The following CACNA1B variants were observed in gnomAD, a reference collection of about 807,000 sequenced individuals.
The protein encoded by CACNA1B is calcium voltage-gated channel subunit alpha1 B, also known as voltage-dependent N-type calcium channel subunit alpha-1B.
CACNA1B carries 70 observed loss-of-function variants against 247.2 expected under a neutral mutation model. The ratio of observed to expected loss-of-function variants is 0.28; its 90% CI spans 0.23 to 0.35. CACNA1B has a LOEUF of 0.35. CACNA1B is among the 10% of genes least tolerant of loss of function. The pLI, the probability that CACNA1B is intolerant of heterozygous loss-of-function variation, is 1.00. For synonymous variants in CACNA1B, 1,231 were observed against 1,294.4 expected, an observed-to-expected ratio of 0.95 and a Z score of 1.05; for missense variants, 2,367 against 3,197.4, an observed-to-expected ratio of 0.74 and a Z score of 6.26.
intron 3 of CACNA1B, chr9:137,892,365 G>A: frequency 2.2e-6 from 1 of 456,676 alleles, no homozygotes. Context: ...ATGGACCCCA[G>A]ACCCTGGGGC....
chr9:137,993,276 A>G (rs143083103), intron 15 of CACNA1B, among the ~76,000 whole-genome samples: 1 of 152,026 alleles, frequency 6.6e-6, no homozygotes. Flanking sequence ...AAAAAGATAA[A>G]TTTTTTTAGT....
intron 16 of CACNA1B, among the ~76,000 whole-genome samples, chr9:138,008,166 C>T (rs1294660235): frequency 1.3e-5 from 2 of 152,294 alleles, no homozygotes; most frequent in Admixed American, 6.5e-5. Flanking sequence ...GGGCTGGCAC[C>T]GGAGGCACCA....
At chr9:138,093,102 A>G (rs970325773) in intron 36 of CACNA1B, among the ~76,000 whole-genome samples, 2 of 152,182 alleles carry the variant, frequency 1.3e-5, no homozygotes, top group African/African-American at 4.8e-5. Flanking sequence ...AATTGGTATT[A>G]CTAAAGAAAA....
At position 138,085,990 on chromosome 9, in the gene CACNA1B, A is replaced by C. The variant is rs1480446348; in HGVS notation, c.5094+7732A>C. Reference sequence around the variant, plus strand: ...TCGCTGGTAGAGTGAGTTTCACAAAAGAGAAAGAGAAAATAATCAAACCTT... The same window carrying C: ...TCGCTGGTAGAGTGAGTTTCACAAACGAGAAAGAGAAAATAATCAAACCTT... On this transcript the variant is annotated intron_variant, in intron 36 of 46. Transcript: ENST00000371372. 1.3e-5 allele frequency among the ~76,000 whole-genome samples: 2 copies of C among 151,218 alleles called. 1 individual carries two copies. The highest frequency in any genetic ancestry group is 2.9e-5 in the Non-Finnish European group (2 of 68,014).
chr9:137,925,060 C>A (rs1293853628), intron 6 of CACNA1B, among the ~76,000 whole-genome samples: 1 of 152,240 alleles, frequency 6.6e-6, no homozygotes, highest in African/African-American at 2.4e-5. Context: ...ACCAGCATTG[C>A]AGTGTTGGGA....
chr9:138,064,545 G>A (rs952927895), intron 31 of CACNA1B, among the ~76,000 whole-genome samples: 4 of 152,158 alleles, frequency 2.6e-5, no homozygotes, highest in Admixed American at 6.5e-5. Context: ...CCTTGTTGGC[G>A]CTGCCCCTCT....
chr9:138,076,145 A>G (rs1488423806), intron 35 of CACNA1B, among the ~76,000 whole-genome samples: 1 of 152,094 alleles, frequency 6.6e-6, no homozygotes, highest in Non-Finnish European at 1.5e-5. Flanking sequence ...CCTGAGGGAG[A>G]TCATCCTGGG....
intron 12 of CACNA1B, among the ~76,000 whole-genome samples, chr9:137,977,903 A>G (rs1423742795): frequency 1.3e-5 from 2 of 150,084 alleles, no homozygotes; most frequent in African/African-American, 2.5e-5. Flanking sequence ...AGGCGGGTGC[A>G]CTACCCCCGC....
In CACNA1B at chr9:138,058,839, G is replaced by C; in HGVS notation, c.4473+106G>C. On this transcript the variant is annotated intron_variant, in intron 29 of 46. Transcript: ENST00000371372. The surrounding 1 kb of genome is among the most constrained non-coding windows in gnomAD (Gnocchi z 4.7). The stretch of plus-strand genomic sequence containing the variant: ...CTTCTTCCTCCCTGCATGAGCCAAA[G>C]CAGTAGTGGCCTTGCATCCTGGCCA... The C allele has an allele frequency of 1.9e-6, 2 of 1,041,150 alleles. No individual in the cohort carries two copies. Among genetic ancestry groups the C allele is most frequent in the Non-Finnish European group, 2.9e-6 (2 of 699,812 alleles). The allele number at this position is 1,041,150 out of a possible 1,614,324, so 64.5% of individuals were successfully genotyped here.
intron 39 of CACNA1B, among the ~76,000 whole-genome samples, chr9:138,108,308 C>CAAAA (rs935431476): frequency 1.8e-4 from 8 of 44,042 alleles, no homozygotes; most frequent in African/African-American, 5.3e-4. Context: ...AACCCCATCT[C>CAAAA]AAAAAAAAAA....
At position 138,067,653 on chromosome 9, in the gene CACNA1B, T is replaced by C. The variant is rs937099320; in HGVS notation, c.4669-2105T>C. Among the ~76,000 whole-genome samples the C allele has an allele frequency of 2.6e-5, 4 of 152,212 alleles. No individual in the cohort carries two copies. The South Asian group carries it at 8.3e-4, about 31-fold the overall frequency. ...GGTGGAGGTCACAGGGAGCCAAGAT[T>C]GCGCCACTGCATTCTAGCCTGGGCA... is the stretch of plus-strand genomic sequence containing the variant. On this transcript the variant is annotated intron_variant, in intron 31 of 46. Coordinates refer to ENST00000371372, the MANE Select transcript of CACNA1B (RefSeq NM_000718.4).
Position 137,990,942 on chromosome 9 carries a change from A to ACC in CACNA1B, c.1974+4089_1974+4090insCC, listed in dbSNP as rs1958425422. Among the ~76,000 whole-genome samples the ACC allele has an allele frequency of 6.6e-6, 1 of 152,214 alleles. No homozygotes were observed. Among genetic ancestry groups the ACC allele is most frequent in the Non-Finnish European group, 1.5e-5 (1 of 68,036 alleles). On this transcript the variant is annotated intron_variant, in intron 15 of 46. Coordinates refer to ENST00000371372, the MANE Select transcript of CACNA1B (RefSeq NM_000718.4). This position sits in a 1 kb window ranked among gnomAD's most constrained non-coding sequence, Gnocchi z 4.5. ...AAGGGAGCACCCCCAAGATAAGAGA[A>ACC]CAGCAGCCCTTGAGTCGCAGATCTT...
chr9:138,091,518 C>A lies in CACNA1B; in HGVS notation c.5095-4966C>A, dbSNP rs570095545. The stretch of plus-strand genomic sequence containing the variant: ...TTAACAACAGTTTGTTGAATATTTT[C>A]AAATATTTCAAATATTTTCAAATAG... On this transcript the variant is annotated intron_variant, in intron 36 of 46. Coordinates refer to ENST00000371372, the MANE Select transcript of CACNA1B (RefSeq NM_000718.4). 1.4e-4 allele frequency among the ~76,000 whole-genome samples: 21 copies of A among 152,242 alleles called. No homozygotes were observed. In the East Asian group the frequency reaches 3.9e-3, roughly 28 times the overall value.
chr9:138,081,126 GC>G (rs1960510690), intron 36 of CACNA1B, among the ~76,000 whole-genome samples: 1 of 152,176 alleles, frequency 6.6e-6, no homozygotes, highest in Non-Finnish European at 1.5e-5. Context: ...TGGGCACAAA[GC>G]CAAACCTACT....
chr9:137,952,555 T>C lies in CACNA1B; in HGVS notation c.1070+178T>C, dbSNP rs1957890298. Among the ~76,000 whole-genome samples, 1 of 152,158 alleles carries C rather than the reference T, an allele frequency of 6.6e-6. No individual in the cohort carries two copies. Among genetic ancestry groups the C allele is most frequent in the Non-Finnish European group, 1.5e-5 (1 of 68,018 alleles). ...TTTGTGCCACCATCCTGACCTGTCC[T>C]TGATCAGCCTCTCGGCCCCTTATCC... is the stretch of plus-strand genomic sequence containing the variant. On this transcript the variant is annotated intron_variant, in intron 7 of 46. Coordinates refer to ENST00000371372, the MANE Select transcript of CACNA1B (RefSeq NM_000718.4). The surrounding 1 kb of genome is among the most constrained non-coding windows in gnomAD (Gnocchi z 4.8).
In CACNA1B at chr9:138,123,930, A is replaced by G. The variant is rs1962183970; in HGVS notation, c.*1931A>G. 6.6e-6 allele frequency: 1 copy of G among 152,086 alleles called. No homozygotes were observed. Among genetic ancestry groups the G allele is most frequent in the South Asian group, 2.1e-4 (1 of 4,826 alleles). The allele number at this position is 152,086 out of a possible 1,614,324, so 9.4% of individuals were successfully genotyped here. ...TCTCTTGTTCCCCAGCCCCCAGCCCATGTTATCTTGGGTGTCGAATGTGTC... is the reference window on the plus strand; with the variant it reads ...TCTCTTGTTCCCCAGCCCCCAGCCCGTGTTATCTTGGGTGTCGAATGTGTC... On this transcript the variant is annotated 3_prime_UTR_variant, in exon 47 of 47. Coordinates refer to ENST00000371372, the MANE Select transcript of CACNA1B (RefSeq NM_000718.4).
Position 138,059,576 on chromosome 9 carries a change from G to C in CACNA1B, c.4585-78G>C. The C allele has an allele frequency of 1.2e-6, 1 of 861,986 alleles. No individual in the cohort carries two copies. The highest frequency in any genetic ancestry group is 2.0e-6 in the Non-Finnish European group (1 of 503,380). The allele number at this position is 861,986 out of a possible 1,614,324, so 53.4% of individuals were successfully genotyped here. On this transcript the variant is annotated intron_variant, in intron 30 of 46. Transcript: ENST00000371372. This position sits in a 1 kb window ranked among gnomAD's most constrained non-coding sequence, Gnocchi z 4.2. Reference sequence around the variant, plus strand: ...TCACCCTCACCGCTTTCTTAATCAGGGCCACCACCTATATATACCTCTTTG... The same window carrying C: ...TCACCCTCACCGCTTTCTTAATCAGCGCCACCACCTATATATACCTCTTTG...
At chr9:138,103,299 C>A (rs1961316047) in intron 38 of CACNA1B, among the ~76,000 whole-genome samples, 1 of 152,194 alleles carries the variant, frequency 6.6e-6, no homozygotes, top group Non-Finnish European at 1.5e-5. Flanking sequence ...CCCTCCCCAG[C>A]TCAGCAAGTG....
Position 138,121,569 on chromosome 9 carries a change from C to T in CACNA1B, c.6590C>T (p.Pro2197Leu). 1 of 1,610,088 alleles carries T rather than the reference C, an allele frequency of 6.2e-7. No homozygotes were observed. Among genetic ancestry groups the T allele is most frequent in the Non-Finnish European group, 8.5e-7 (1 of 1,177,442 alleles). The change falls in exon 47 of 47, where the codon CCC becomes CTC. Residue 2197 changes from proline to leucine, a missense_variant. Physicochemically the swap from Pro to Leu is moderately conservative, Grantham distance 98. Transcript: ENST00000371372. The surrounding 1 kb of genome is among the most constrained non-coding windows in gnomAD (Gnocchi z 6.8). Reference protein sequence around the residue: ...RRQLPQTPLTPRPSITYKTAN... With the variant: ...RRQLPQTPLTLRPSITYKTAN... ...CAGCTCCCCCAGACGCCCCTGACTC[C>T]CCGCCCCAGCATCACCTACAAGACG...
Sources: gnomAD v4.1 joint callset for allele counts (sites outside exome capture counted in the v4.1 genomes callset) on GRCh38, gnomAD v4.1.1 for gene constraint, Gnocchi (gnomAD v3.1) non-coding constraint, MANE v1.5 for transcripts, NCBI Gene and HGNC (gene_info 2026-07-23, HGNC 2026-07-21) for gene names.